The following RIPPLY3 variants were observed in gnomAD, a reference collection of about 807,000 sequenced individuals.
RIPPLY3 encodes the protein protein ripply3.
A neutral mutation model predicts 11.9 loss-of-function variants in RIPPLY3; 8 were observed. That is an observed-to-expected ratio of 0.67 (90% CI 0.40 to 1.21). The LOEUF is 1.21. Among genes scored for constraint, RIPPLY3 ranks in the 50% most tolerant of loss-of-function variants. The pLI is 0.01. For missense variants in RIPPLY3, 271 were observed against 246.0 expected (o/e 1.10, Z -0.68); for synonymous variants, 102 against 99.0 (o/e 1.03, Z -0.18).
chr21:37,009,427 T>A (rs564106468), intron 2 of RIPPLY3, among the ~76,000 whole-genome samples: 11 of 152,330 alleles, frequency 7.2e-5, no homozygotes, highest in African/African-American at 1.9e-4. Context: ...AATCTGAATA[T>A]TGGGAATTTT....
Position 37,008,165 on chromosome 21 carries a change from C to G in RIPPLY3, c.113C>G (p.Pro38Arg). 6.2e-7 allele frequency: 1 copy of G among 1,614,124 alleles called. No homozygotes were observed. Among genetic ancestry groups the G allele is most frequent in the Non-Finnish European group, 8.5e-7 (1 of 1,180,002 alleles). Residue 38 changes from proline (P) to arginine (R), a missense_variant, in exon 2 of 4, where the codon CCG becomes CGG. Transcript: ENST00000329553. Reference sequence around the variant, plus strand: ...GGCGCTTGCCGTTCCAGCCCCGCGCCGTGGCGACCTTGGATCCAGACACCT... The same window carrying G: ...GGCGCTTGCCGTTCCAGCCCCGCGCGGTGGCGACCTTGGATCCAGACACCT... ...PPPRGPESPA[P>R]WRPWIQTPGD...
intron 3 of RIPPLY3, 108 bp from the exon 4 acceptor site, chr21:37,017,766 A>G: frequency 1.1e-6 from 1 of 879,342 alleles, no homozygotes; most frequent in Non-Finnish European, 1.7e-6. Context: ...GGCAAAGACC[A>G]GAAAGGAAGA....
intron 3 of RIPPLY3, 50 bp downstream of exon 3, chr21:37,013,668 G>A: frequency 1.5e-6 from 2 of 1,337,892 alleles, no homozygotes; most frequent in Non-Finnish European, 1.1e-6. Flanking sequence ...TTTAATATAG[G>A]CATTAATATG....
intron 3 of RIPPLY3, among the ~76,000 whole-genome samples, chr21:37,015,336 G>T (rs1471941554): frequency 6.6e-6 from 1 of 151,990 alleles, no homozygotes; most frequent in Non-Finnish European, 1.5e-5. Flanking sequence ...GCTAATTTTT[G>T]TATTTTTAAT....
upstream of RIPPLY3, chr21:37,006,553 C>T (rs1057421237): frequency 5.6e-6 from 2 of 357,114 alleles, no homozygotes; most frequent in African/African-American, 2.1e-5. The surrounding 1 kb of genome is among the most constrained non-coding windows in gnomAD (Gnocchi z 5.2). Flanking sequence ...TTCTCTGGTC[C>T]CCTCCGCTCC....
intron 2 of RIPPLY3, among the ~76,000 whole-genome samples, chr21:37,012,843 C>G (rs888851489): frequency 6.7e-6 from 1 of 149,624 alleles, no homozygotes; most frequent in South Asian, 2.1e-4. Flanking sequence ...ACTTGCACCC[C>G]CTGTTTTCCT....
intron 1 of RIPPLY3, 21 bp from the exon 2 acceptor site, chr21:37,008,136 T>C (rs764657517): frequency 1.1e-5 from 17 of 1,613,588 alleles, no homozygotes; most frequent in Admixed American, 5.0e-5. Context: ...GTTCACTCTC[T>C]CCTGGCGCTT....
At chr21:37,008,047 C>T in intron 1 of RIPPLY3, 110 bp from the exon 2 acceptor site, 1 of 1,106,026 alleles carries the variant, frequency 9.0e-7, no homozygotes, top group Non-Finnish European at 1.3e-6. Context: ...CTGGGGGGTC[C>T]GGTGCCTCTT....
At chr21:37,007,470 G>A (rs1165556781) in intron 1 of RIPPLY3, among the ~76,000 whole-genome samples, 1 of 146,302 alleles carries the variant, frequency 6.8e-6, no homozygotes, top group African/African-American at 2.6e-5. Flanking sequence ...GTGCAATGGC[G>A]TGATCTCGGC....
At chr21:37,009,963 C>T (rs1232684319) in intron 2 of RIPPLY3, among the ~76,000 whole-genome samples, 1 of 152,202 alleles carries the variant, frequency 6.6e-6, no homozygotes, top group African/African-American at 2.4e-5. Context: ...CCAGTCTGTG[C>T]TCTGGTACTG....
chr21:37,006,609 C>T (rs1419024522), upstream of RIPPLY3: 2 of 384,150 alleles, frequency 5.2e-6, no homozygotes, highest in East Asian at 7.9e-5. The surrounding 1 kb of genome is among the most constrained non-coding windows in gnomAD (Gnocchi z 5.2). Flanking sequence ...CCTCCGCACC[C>T]CTCACGGAGC....
intron 2 of RIPPLY3, among the ~76,000 whole-genome samples, chr21:37,013,305 A>G (rs963726636): frequency 6.6e-6 from 1 of 152,164 alleles, no homozygotes; most frequent in African/African-American, 2.4e-5. Flanking sequence ...ATTAGATTGT[A>G]AAATGCTGGA....
chr21:37,008,583 C>A (rs2069489519), intron 2 of RIPPLY3, among the ~76,000 whole-genome samples: 1 of 151,952 alleles, frequency 6.6e-6, no homozygotes, highest in Non-Finnish European at 1.5e-5. Flanking sequence ...GATGGCGAAA[C>A]CCCGTCTCTA....
chr21:37,006,857 C>G lies in RIPPLY3; in HGVS notation c.85C>G (p.Pro29Ala). 1 of 1,221,664 alleles carries G rather than the reference C, an allele frequency of 8.2e-7. No individual in the cohort carries two copies. The highest frequency in any genetic ancestry group is 1.0e-6 in the Non-Finnish European group (1 of 981,340). 75.7% of individuals were successfully genotyped at this position (1,221,664 alleles called of 1,614,324 possible). ...CGGGGACGCTCCCTGGAGGCCTCCG[C>G]CACCGCGCGGGCCGGAGAGGTGAGG... is the stretch of plus-strand genomic sequence containing the variant. Reference protein sequence around the residue: ...CPGDAPWRPPPPRGPESPAPW... With the variant: ...CPGDAPWRPPAPRGPESPAPW... The change falls in exon 1 of 4, where the codon CCA becomes GCA. Residue 29 changes from proline to alanine, a missense_variant. Pro to Ala is a conservative substitution (Grantham distance 27). Coordinates refer to ENST00000329553, the MANE Select transcript of RIPPLY3 (RefSeq NM_018962.3). This position sits in a 1 kb window ranked among gnomAD's most constrained non-coding sequence, Gnocchi z 5.2.
chr21:37,012,171 G>T, intron 2 of RIPPLY3, among the ~76,000 whole-genome samples: 1 of 150,348 alleles, frequency 6.7e-6, no homozygotes, highest in Non-Finnish European at 1.5e-5. Context: ...CTGAAGATTT[G>T]GGGTTTCTGA....
At position 37,018,333 on chromosome 21, in the gene RIPPLY3, T is replaced by C; in HGVS notation, c.*126T>C. 1.4e-6 allele frequency: 1 copy of C among 733,762 alleles called. No individual in the cohort carries two copies. Among genetic ancestry groups the C allele is most frequent in the Non-Finnish European group, 2.3e-6 (1 of 442,982 alleles). 45.5% of individuals were successfully genotyped at this position (733,762 alleles called of 1,614,324 possible). On this transcript the variant is annotated 3_prime_UTR_variant, in exon 4 of 4. Transcript: ENST00000329553. Reference sequence around the variant, plus strand: ...GGCTAGAGGCTTCTCGGGCAGCCCCTGGCCTGCACACTACTCATGACAGAA... The same window carrying C: ...GGCTAGAGGCTTCTCGGGCAGCCCCCGGCCTGCACACTACTCATGACAGAA...
intron 3 of RIPPLY3, among the ~76,000 whole-genome samples, chr21:37,016,566 C>A (rs1231861932): frequency 6.6e-6 from 1 of 152,032 alleles, no homozygotes; most frequent in African/African-American, 2.4e-5. Context: ...GGCATGGTGG[C>A]TCATACCTGT....
Position 37,014,222 on chromosome 21 carries a change from G to A in RIPPLY3, c.239+604G>A, listed in dbSNP as rs538493917. 7.1e-4 allele frequency among the ~76,000 whole-genome samples: 108 copies of A among 152,254 alleles called. 3 individuals are homozygous for A. The South Asian group carries it at 0.022, about 31-fold the overall frequency. ...AATCCCGGCTACTTGGGAGGCTGAGGCAGGAGAATCGCTTGAATCTGGGAG... is the reference window on the plus strand; with the variant it reads ...AATCCCGGCTACTTGGGAGGCTGAGACAGGAGAATCGCTTGAATCTGGGAG... On this transcript the variant is annotated intron_variant, in intron 3 of 3. Transcript: ENST00000329553.
chr21:37,012,782 T>C (rs2069538028), intron 2 of RIPPLY3, among the ~76,000 whole-genome samples: 1 of 151,996 alleles, frequency 6.6e-6, no homozygotes, highest in Non-Finnish European at 1.5e-5. Flanking sequence ...TTGAGCCCTT[T>C]GCCCATCACA....
Sources: gnomAD v4.1 joint callset for allele counts (sites outside exome capture counted in the v4.1 genomes callset) on GRCh38, gnomAD v4.1.1 for gene constraint, Gnocchi (gnomAD v3.1) non-coding constraint, MANE v1.5 for transcripts, NCBI Gene and HGNC (gene_info 2026-07-23, HGNC 2026-07-21) for gene names.